Variants in HPF1 observed in about 807,000 individuals in gnomAD.
HPF1 encodes histone PARylation factor 1, also known as UPF0609 protein C4orf27.
In HPF1, 35 loss-of-function variants were observed where a neutral mutation model predicts 38.8. That is an observed-to-expected ratio of 0.90 (90% CI 0.69 to 1.19). The LOEUF (loss-of-function observed/expected upper bound fraction) is 1.19. Ranked by LOEUF, HPF1 falls within the 50% of genes most tolerant of loss-of-function variation. The probability of loss-of-function intolerance (pLI) is 0.00; values close to 1 mark genes in which losing one functional copy is unlikely to be tolerated. For missense variants in HPF1, 367 were observed against 405.8 expected, an observed-to-expected ratio of 0.90 and a Z score of 0.82; for synonymous variants, 115 against 139.2, an observed-to-expected ratio of 0.83 and a Z score of 1.22.
At chr4:169,731,620 G>A (rs372093297) in intron 7 of HPF1, 84 bp downstream of exon 7, 1 of 1,022,338 alleles carries the variant, frequency 9.8e-7, no homozygotes, top group African/African-American at 1.7e-5. Context: ...GTATAAATGT[G>A]CACGTATTCA....
In HPF1 at chr4:169,741,985, G is replaced by C. The variant is rs1490636796; in HGVS notation, c.620C>G (p.Thr207Ser). 1.9e-6 allele frequency: 3 copies of C among 1,613,522 alleles called. No homozygotes were observed. In the East Asian group the frequency reaches 6.7e-5, roughly 36 times the overall value. ...RELGYSLEQR[T>S]VKMKQRDKKV... ...CTTATCTCTCTGTTTCATCTTCACGGTTCTCTGTTCAAGCGAGTACCCCAA... is the reference window on the plus strand; with the variant it reads ...CTTATCTCTCTGTTTCATCTTCACGCTTCTCTGTTCAAGCGAGTACCCCAA... Residue 207 changes from threonine (T) to serine (S), a missense_variant, in exon 5 of 8, where the codon ACC (threonine) becomes AGC (serine). Physicochemically the swap from Thr to Ser is moderately conservative, Grantham distance 58 (BLOSUM62 1). Transcript: ENST00000393381.
At position 169,731,829 on chromosome 4, in the gene HPF1, C is replaced by T. The variant is rs779299343; in HGVS notation, c.784G>A (p.Glu262Lys). 6.2e-7 allele frequency: 1 copy of T among 1,613,384 alleles called. No homozygotes were observed. Among genetic ancestry groups the T allele is most frequent in the African/African-American group, 1.3e-5 (1 of 74,880 alleles). Residue 262 changes from glutamate (E) to lysine (K), a missense_variant, in exon 7 of 8, where the codon GAG (glutamate) becomes AAG (lysine). Transcript: ENST00000393381. ...CKTIVEAASD[E>K]ERLKAFAPIQ... ...GGAGCAAAAGCTTTTAGTCTCTCCTCATCACTTGCAGCCTCAACTATTGTC... is the reference window on the plus strand; with the variant it reads ...GGAGCAAAAGCTTTTAGTCTCTCCTTATCACTTGCAGCCTCAACTATTGTC...
At chr4:169,739,790 T>C (rs1733943216) in intron 5 of HPF1, among the ~76,000 whole-genome samples, 1 of 152,134 alleles carries the variant, frequency 6.6e-6, no homozygotes, top group South Asian at 2.1e-4. Flanking sequence ...ATGAGGTAGA[T>C]CTTAAATTGG....
chr4:169,742,033 T>G lies in HPF1; in HGVS notation c.572A>C (p.Lys191Thr). 6.2e-7 allele frequency: 1 copy of G among 1,612,154 alleles called. No homozygotes were observed. The highest frequency in any genetic ancestry group is 8.5e-7 in the Non-Finnish European group (1 of 1,178,246). ...KINLLKNIDE[K>T]LTEAARELGY... ...CAATTCTCTGGCTGCTTCTGTGAGT[T>G]TTTCATCTATGTTTTTCAAGAGATT... The change falls in exon 5 of 8, where the codon AAA becomes ACA. Residue 191 changes from lysine to threonine, a missense_variant. Coordinates refer to ENST00000393381, the MANE Select transcript of HPF1 (RefSeq NM_017867.3).
At chr4:169,732,635 G>A (rs1416919009) in intron 6 of HPF1, among the ~76,000 whole-genome samples, 2 of 152,132 alleles carry the variant, frequency 1.3e-5, no homozygotes, top group Admixed American at 6.5e-5. Context: ...GATAGATTAT[G>A]TAGCCCACAA....
At position 169,757,930 on chromosome 4, in the gene HPF1, C is replaced by G. The variant is rs539326252; in HGVS notation, c.-53G>C. The G allele has an allele frequency of 2.6e-6, 4 of 1,512,856 alleles. No homozygotes were observed. The East Asian group carries it at 9.9e-5, about 37-fold the overall frequency. The allele number at this position is 1,512,856 out of a possible 1,614,324, so 93.7% of individuals were successfully genotyped here. On this transcript the variant is annotated 5_prime_UTR_variant, in exon 1 of 8. Coordinates refer to ENST00000393381, the MANE Select transcript of HPF1 (RefSeq NM_017867.3). Reference sequence around the variant, plus strand: ...CCCGATCCGCGGCCGCTTCCGAGCGCCGCCAACCGCTTCCGGGTTCAAAAG... The same window carrying G: ...CCCGATCCGCGGCCGCTTCCGAGCGGCGCCAACCGCTTCCGGGTTCAAAAG...
At chr4:169,736,739 C>G (rs1343117259) in intron 6 of HPF1, among the ~76,000 whole-genome samples, 4 of 152,080 alleles carry the variant, frequency 2.6e-5, no homozygotes, top group Admixed American at 6.5e-5. Context: ...TGAGAAGATG[C>G]TAAGTTTGAT....
chr4:169,755,870 T>C (rs180914715), intron 1 of HPF1, among the ~76,000 whole-genome samples: 15 of 152,050 alleles, frequency 9.9e-5, no homozygotes, highest in African/African-American at 3.4e-4. Flanking sequence ...TGTAGAGCTA[T>C]TGTCTGTTTC....
intron 2 of HPF1, among the ~76,000 whole-genome samples, chr4:169,751,809 A>C (rs766102416): frequency 6.6e-6 from 1 of 152,224 alleles, no homozygotes; most frequent in Non-Finnish European, 1.5e-5. Flanking sequence ...TTTTTAAAGC[A>C]TGAAGAAAAC....
intron 4 of HPF1, among the ~76,000 whole-genome samples, chr4:169,746,973 C>A (rs1358371814): frequency 8.4e-6 from 1 of 119,306 alleles, no homozygotes; most frequent in African/African-American, 3.0e-5. Context: ...TACATGACCA[C>A]TATTATGTTA....
At chr4:169,746,621 T>G (rs1734050737) in intron 4 of HPF1, among the ~76,000 whole-genome samples, 1 of 152,092 alleles carries the variant, frequency 6.6e-6, no homozygotes, top group Non-Finnish European at 1.5e-5. Flanking sequence ...TAAAAATGTG[T>G]TGATCAAAGG....
intron 4 of HPF1, among the ~76,000 whole-genome samples, chr4:169,747,003 A>G (rs59008271): frequency 0.062 from 9,303 of 150,844 alleles, 1,007 homozygotes; most frequent in African/African-American, 0.21. Flanking sequence ...AAAAAAAAAA[A>G]AAAACATGAC....
Position 169,731,782 on chromosome 4 carries a change from A to C in HPF1, c.831T>G (p.Phe277Leu). Reference sequence around the variant, plus strand: ...CACATTCATCATTAGCAAACTGCACAAAAGTCATCATTTCCTGAATGGGAG... The same window carrying C: ...CACATTCATCATTAGCAAACTGCACCAAAGTCATCATTTCCTGAATGGGAG... ...AFAPIQEMMT[F>L]VQFANDECDY... The change falls in exon 7 of 8, where the codon TTT (phenylalanine) becomes TTG (leucine). Residue 277 changes from phenylalanine to leucine, a missense_variant. Transcript: ENST00000393381. 6.2e-7 allele frequency: 1 copy of C among 1,606,618 alleles called. No individual in the cohort carries two copies. Among genetic ancestry groups the C allele is most frequent in the South Asian group, 1.1e-5 (1 of 89,418 alleles).
intron 4 of HPF1, among the ~76,000 whole-genome samples, chr4:169,745,678 C>T (rs1734037796): frequency 6.6e-6 from 1 of 152,220 alleles, no homozygotes; most frequent in Admixed American, 6.5e-5. Flanking sequence ...CCAACACTGA[C>T]ATTTTTCAGG....
rs370562479 is a variant in HPF1, at chr4:169,732,090, GTATTTCT to G, written c.737-221_737-215del. 1,263 of 393,222 alleles carry G rather than the reference GTATTTCT, an allele frequency of 3.2e-3. 5 individuals carry two copies. Among genetic ancestry groups the G allele is most frequent in the Non-Finnish European group, 4.6e-3 (1,021 of 220,016 alleles). 24.4% of individuals were successfully genotyped at this position (393,222 alleles called of 1,614,324 possible). On this transcript the variant is annotated intron_variant, in intron 6 of 7. Coordinates refer to ENST00000393381, the MANE Select transcript of HPF1 (RefSeq NM_017867.3). ...TTCAAGCTTAAAAACAGGTTAACAA[GTATTTCT>G]TTATTAACGACTATTTCACAGGATT...
chr4:169,743,094 C>CA (rs60755557), intron 4 of HPF1, among the ~76,000 whole-genome samples: 24,299 of 143,068 alleles, frequency 0.17, 2,107 homozygotes, highest in African/African-American at 0.21. Context: ...AAGACTGCCT[C>CA]AAAAAAAAAA....
chr4:169,742,619 C>A (rs907563490), intron 4 of HPF1, among the ~76,000 whole-genome samples: 1 of 152,032 alleles, frequency 6.6e-6, no homozygotes, highest in Non-Finnish European at 1.5e-5. Context: ...GGTGAAACCC[C>A]GTCTCTACTA....
rs1581309945 is a variant in HPF1, at chr4:169,729,581, T to G, written c.1038A>C (p.Ala346=). ...ACACCAATCAAAGCCACCTTACTCA[T>G]GCAGCAAGTTGGTCTATGTTCTCTT... ...RSQENIDQLA[A] The change falls in exon 8 of 8, where the codon GCA becomes GCC. Residue 346 remains alanine, a synonymous_variant. Coordinates refer to ENST00000393381, the MANE Select transcript of HPF1 (RefSeq NM_017867.3). 6 of 1,530,202 alleles carry G rather than the reference T, an allele frequency of 3.9e-6. No homozygotes were observed. Among genetic ancestry groups the G allele is most frequent in the Admixed American group, 2.1e-5 (1 of 46,812 alleles). The allele number at this position is 1,530,202 out of a possible 1,614,324, so 94.8% of individuals were successfully genotyped here.
intron 6 of HPF1, among the ~76,000 whole-genome samples, chr4:169,735,321 T>C (rs1733879100): frequency 6.6e-6 from 1 of 152,194 alleles, no homozygotes; most frequent in African/African-American, 2.4e-5. Flanking sequence ...CAATAAAACG[T>C]ATCTTATTTG....
Sources: allele counts gnomAD v4.1 joint callset (sites outside exome capture counted in the v4.1 genomes callset), GRCh38; gene constraint gnomAD v4.1.1; transcripts MANE v1.5; gene names NCBI Gene and HGNC (gene_info 2026-07-23, HGNC 2026-07-21).